Variants in ZDHHC14 observed in about 807,000 individuals in gnomAD.
ZDHHC14 encodes palmitoyltransferase ZDHHC14.
In ZDHHC14, 16 loss-of-function variants were observed where a neutral mutation model predicts 47.7. The observed-to-expected ratio is 0.34, with a 90% CI of 0.23 to 0.51. The LOEUF (loss-of-function observed/expected upper bound fraction) is 0.51, where lower values mean the gene tolerates loss of function less well. Ranked by LOEUF, ZDHHC14 falls within the 20% of genes least tolerant of loss-of-function variation. The pLI is 0.97. For missense variants in ZDHHC14, 515 were observed against 662.5 expected, an observed-to-expected ratio of 0.78 and a Z score of 2.44; for synonymous variants, 293 against 278.9, an observed-to-expected ratio of 1.05 and a Z score of -0.50.
chr6:157,622,584 A>G (rs1198718246), intron 3 of ZDHHC14, among the ~76,000 whole-genome samples: 1 of 152,008 alleles, frequency 6.6e-6, no homozygotes, highest in Non-Finnish European at 1.5e-5. Context: ...CTGGTACCCC[A>G]TGGAGCTTGA....
Position 157,423,944 on chromosome 6 carries a change from G to A in ZDHHC14, c.245+41678G>A, listed in dbSNP as rs559366217. Among the ~76,000 whole-genome samples, 7 of 152,302 alleles carry A rather than the reference G, an allele frequency of 4.6e-5. No individual in the cohort carries two copies. The East Asian group carries it at 5.8e-4, about 13-fold the overall frequency. ...CACACTGGTTCAGGCATCCATCAGC[G>A]CTTGTGTAGCTCCCAAACAAAGCCC... On this transcript the variant is annotated intron_variant, in intron 1 of 8. Transcript: ENST00000359775.
At chr6:157,672,253 T>C (rs182839477) in intron 8 of ZDHHC14, among the ~76,000 whole-genome samples, 1 of 152,356 alleles carries the variant, frequency 6.6e-6, no homozygotes, top group Admixed American at 6.5e-5. Flanking sequence ...CAGTGGACAC[T>C]TGAGTCACTT....
chr6:157,668,771 CCTT>C (rs1778665408), intron 8 of ZDHHC14, among the ~76,000 whole-genome samples: 1 of 152,178 alleles, frequency 6.6e-6, no homozygotes, highest in Non-Finnish European at 1.5e-5. Context: ...TTATTTCACA[CCTT>C]CTTCAAGTCC....
chr6:157,456,041 G>T (rs779214319), intron 1 of ZDHHC14, among the ~76,000 whole-genome samples: 3 of 152,196 alleles, frequency 2.0e-5, no homozygotes, highest in Non-Finnish European at 2.9e-5. Context: ...TTTCGGCGAG[G>T]ATTTAGGTTT....
chr6:157,611,465 G>C (rs1784747144), intron 3 of ZDHHC14, among the ~76,000 whole-genome samples: 2 of 152,096 alleles, frequency 1.3e-5, no homozygotes, highest in Admixed American at 6.5e-5. Context: ...TTTTTGGAGA[G>C]AGCATCCCTG....
chr6:157,565,930 C>T (rs1782885973), intron 2 of ZDHHC14, among the ~76,000 whole-genome samples: 1 of 152,114 alleles, frequency 6.6e-6, no homozygotes, highest in Non-Finnish European at 1.5e-5. Flanking sequence ...AGTTAAGTCA[C>T]TTGTGGTGGC....
At chr6:157,489,643 C>T (rs987846577) in intron 1 of ZDHHC14, among the ~76,000 whole-genome samples, 1 of 152,218 alleles carries the variant, frequency 6.6e-6, no homozygotes, top group Non-Finnish European at 1.5e-5. Flanking sequence ...CCCAGCCGCT[C>T]TCCACCAGGC....
intron 1 of ZDHHC14, among the ~76,000 whole-genome samples, chr6:157,398,150 A>G (rs1220999046): frequency 6.6e-6 from 1 of 151,256 alleles, no homozygotes; most frequent in Non-Finnish European, 1.5e-5. Context: ...CAGAGTGGAC[A>G]GTGACTGGAT....
At chr6:157,576,012 T>A (rs1265113463) in intron 2 of ZDHHC14, among the ~76,000 whole-genome samples, 3 of 152,204 alleles carry the variant, frequency 2.0e-5, no homozygotes, top group Non-Finnish European at 4.4e-5. Flanking sequence ...TGCTTCTGAC[T>A]CGGCAGGCCT....
chr6:157,518,768 C>A (rs1052289616), intron 1 of ZDHHC14, among the ~76,000 whole-genome samples: 1 of 152,164 alleles, frequency 6.6e-6, no homozygotes, highest in Non-Finnish European at 1.5e-5. Flanking sequence ...AGCCAGAGAG[C>A]GCTTCCATCT....
At chr6:157,631,813 G>C (rs1562519076) in intron 4 of ZDHHC14, 1 of 152,256 alleles carries the variant, frequency 6.6e-6, no homozygotes, top group Admixed American at 6.5e-5. Flanking sequence ...TTGCGTCTGT[G>C]CCCTTTGGGG....
intron 7 of ZDHHC14, among the ~76,000 whole-genome samples, chr6:157,651,207 A>C (rs1385140475): frequency 6.6e-6 from 1 of 152,228 alleles, no homozygotes; most frequent in Non-Finnish European, 1.5e-5. Flanking sequence ...AGGTGCTGGC[A>C]GGGTTGTACC....
intron 8 of ZDHHC14, among the ~76,000 whole-genome samples, chr6:157,672,074 T>C (rs1444126002): frequency 6.6e-6 from 1 of 152,214 alleles, no homozygotes. Flanking sequence ...GGGACCTTGT[T>C]TGAGTGGAAT....
At chr6:157,641,006 G>C (rs968626792) in intron 5 of ZDHHC14, among the ~76,000 whole-genome samples, 1 of 152,122 alleles carries the variant, frequency 6.6e-6, no homozygotes, top group Non-Finnish European at 1.5e-5. Context: ...ACCTAAAAAG[G>C]ACTCTTTTTT....
intron 2 of ZDHHC14, among the ~76,000 whole-genome samples, chr6:157,550,550 CACAG>C (rs1247882346): frequency 6.6e-6 from 1 of 152,160 alleles, no homozygotes; most frequent in Admixed American, 6.5e-5. Context: ...CACAGTGTCA[CACAG>C]ACACTCTAGA....
intron 1 of ZDHHC14, among the ~76,000 whole-genome samples, chr6:157,469,500 A>T (rs565761312): frequency 4.9e-4 from 74 of 152,358 alleles, no homozygotes; most frequent in Admixed American, 2.3e-3. Flanking sequence ...GGGCCAGATT[A>T]TGCTGTGGTT....
chr6:157,577,593 A>T (rs1783354194), intron 2 of ZDHHC14, among the ~76,000 whole-genome samples: 1 of 152,198 alleles, frequency 6.6e-6, no homozygotes, highest in African/African-American at 2.4e-5. Flanking sequence ...CTTGTTGCCT[A>T]GGCTGGAGCT....
chr6:157,515,569 T>C (rs1780662576), intron 1 of ZDHHC14, among the ~76,000 whole-genome samples: 1 of 149,260 alleles, frequency 6.7e-6, no homozygotes, highest in Non-Finnish European at 1.5e-5. Context: ...GTTCACGCCA[T>C]TCTCCTGCCT....
intron 1 of ZDHHC14, among the ~76,000 whole-genome samples, chr6:157,473,876 C>T (rs1485106798): frequency 6.6e-6 from 1 of 151,874 alleles, no homozygotes; most frequent in Admixed American, 6.6e-5. Context: ...CTCCAAGATG[C>T]CTCATTATCT....
Sources: allele counts gnomAD v4.1 joint callset (sites outside exome capture counted in the v4.1 genomes callset), GRCh38; gene constraint gnomAD v4.1.1; transcripts MANE v1.5; gene names NCBI Gene and HGNC (gene_info 2026-07-23, HGNC 2026-07-21).